The following PRKN variants were observed in gnomAD, a reference collection of about 807,000 sequenced individuals.
The protein encoded by PRKN is E3 ubiquitin-protein ligase parkin.
PRKN carries 56 observed loss-of-function variants against 59.5 expected under a neutral mutation model. The ratio of observed to expected loss-of-function variants is 0.94; its 90% CI spans 0.76 to 1.18. The LOEUF (loss-of-function observed/expected upper bound fraction) is 1.18, where lower values mean the gene tolerates loss of function less well. Among genes scored for constraint, PRKN ranks in the 50% most tolerant of loss-of-function variants. The pLI is 0.00. For missense variants in PRKN, 657 were observed against 596.4 expected, an observed-to-expected ratio of 1.10 and a Z score of -1.06; for synonymous variants, 250 against 222.1, an observed-to-expected ratio of 1.13 and a Z score of -1.12.
At chr6:162,327,905 T>C (rs1328410851) in intron 2 of PRKN, among the ~76,000 whole-genome samples, 1 of 151,834 alleles carries the variant, frequency 6.6e-6, no homozygotes, top group African/African-American at 2.4e-5. Context: ...ATCACCAGAG[T>C]CTTCCCCAGC....
intron 7 of PRKN, among the ~76,000 whole-genome samples, chr6:161,697,086 A>T (rs944521327): frequency 6.6e-6 from 1 of 152,176 alleles, no homozygotes; most frequent in Non-Finnish European, 1.5e-5. Context: ...CTTTTCAAGG[A>T]TCCTGCACTT....
chr6:162,659,162 G>A (rs566632409), intron 1 of PRKN, among the ~76,000 whole-genome samples: 81 of 152,132 alleles, frequency 5.3e-4, no homozygotes, highest in African/African-American at 1.8e-3. Context: ...GAATTCAAGC[G>A]GCTGTTATTC....
chr6:162,668,740 G>A (rs1374243809), intron 1 of PRKN, among the ~76,000 whole-genome samples: 1 of 152,168 alleles, frequency 6.6e-6, no homozygotes, highest in African/African-American at 2.4e-5. Context: ...TGGCCTCGAT[G>A]AGTGGGTGTG....
At chr6:162,104,246 G>A (rs1232806364) in intron 4 of PRKN, among the ~76,000 whole-genome samples, 1 of 152,182 alleles carries the variant, frequency 6.6e-6, no homozygotes, top group Non-Finnish European at 1.5e-5. Context: ...CATGAGAACA[G>A]TCTCTGTTCT....
At chr6:161,976,598 T>G (rs186808361) in intron 5 of PRKN, among the ~76,000 whole-genome samples, 5 of 152,292 alleles carry the variant, frequency 3.3e-5, no homozygotes, top group Non-Finnish European at 7.4e-5. Context: ...AATCCTTCAA[T>G]GGCCAGCTCA....
chr6:161,716,923 T>C (rs1299918045), intron 7 of PRKN, among the ~76,000 whole-genome samples: 1 of 152,150 alleles, frequency 6.6e-6, no homozygotes, highest in Non-Finnish European at 1.5e-5. Context: ...AAGATGAGCC[T>C]GGTAACCATA....
chr6:162,374,856 G>GT (rs1785972945), intron 2 of PRKN, among the ~76,000 whole-genome samples: 2 of 152,200 alleles, frequency 1.3e-5, no homozygotes, highest in African/African-American at 4.8e-5. Flanking sequence ...GAGTCTCTAT[G>GT]AATCAATTAA....
intron 4 of PRKN, among the ~76,000 whole-genome samples, chr6:162,106,081 A>G (rs1325638986): frequency 6.6e-6 from 1 of 152,248 alleles, no homozygotes; most frequent in Non-Finnish European, 1.5e-5. Flanking sequence ...TGATTGGTTG[A>G]TAAGTTCCAT....
chr6:161,689,930 G>A lies in PRKN; in HGVS notation c.871+95842C>T, dbSNP rs552004435. Among the ~76,000 whole-genome samples the A allele has an allele frequency of 9.0e-5, 9 of 100,158 alleles. No individual in the cohort carries two copies. The South Asian group carries it at 2.0e-3, about 23-fold the overall frequency. The allele number at this position is 100,158 out of a possible 152,430, so 65.7% of individuals were successfully genotyped here. A position where few individuals can be genotyped will look rare whatever the true frequency, so the allele number is the denominator to read the frequency against. ...TCACCATGTTGGCCAGGCTGGTCTC[G>A]AGCTCCTGACCTCAAGGGATACACG... On this transcript the variant is annotated intron_variant, in intron 7 of 11. Transcript: ENST00000366898.
Position 162,503,138 on chromosome 6 carries a change from T to TC in PRKN, c.8-59666_8-59665insG, listed in dbSNP as rs1793447861. ...CCTACAGAAAATAGTCTTCATTTCTTTTTTTTTTTTTTTTTTTTTTTGTTG... is the reference window on the plus strand; with the variant it reads ...CCTACAGAAAATAGTCTTCATTTCTTCTTTTTTTTTTTTTTTTTTTTTGTTG... On this transcript the variant is annotated intron_variant, in intron 1 of 11. Transcript: ENST00000366898. 5.2e-5 allele frequency among the ~76,000 whole-genome samples: 5 copies of TC among 95,582 alleles called. No homozygotes were observed. In the Admixed American group the frequency reaches 5.6e-4, roughly 11 times the overall value. The allele number at this position is 95,582 out of a possible 152,430, so 62.7% of individuals were successfully genotyped here. A position where few individuals can be genotyped will look rare whatever the true frequency, so the allele number is the denominator to read the frequency against.
At chr6:162,182,863 A>C (rs1783857674) in intron 4 of PRKN, among the ~76,000 whole-genome samples, 2 of 152,118 alleles carry the variant, frequency 1.3e-5, no homozygotes, top group South Asian at 4.1e-4. Flanking sequence ...CCTTCAACTA[A>C]ATAACTATTG....
intron 2 of PRKN, among the ~76,000 whole-genome samples, chr6:162,395,809 A>G (rs1787445982): frequency 6.6e-6 from 1 of 152,186 alleles, no homozygotes; most frequent in East Asian, 1.9e-4. Flanking sequence ...GCTGGCTCTC[A>G]GGCCTAGTCT....
chr6:162,586,432 T>C (rs559385178), intron 1 of PRKN, among the ~76,000 whole-genome samples: 90 of 152,306 alleles, frequency 5.9e-4, no homozygotes, highest in African/African-American at 1.9e-3. Flanking sequence ...TATGTCTTTA[T>C]ATGTTCATGG....
chr6:162,420,143 G>A (rs1418618788), intron 2 of PRKN, among the ~76,000 whole-genome samples: 1 of 151,822 alleles, frequency 6.6e-6, no homozygotes, highest in Non-Finnish European at 1.5e-5. Flanking sequence ...CTGTGAGCTT[G>A]TTTTCCTGCA....
At chr6:161,630,627 C>T (rs1783267110) in intron 7 of PRKN, among the ~76,000 whole-genome samples, 1 of 152,144 alleles carries the variant, frequency 6.6e-6, no homozygotes, top group Non-Finnish European at 1.5e-5. Context: ...CAAACTTTCA[C>T]AAATTCATCA....
At chr6:162,018,196 T>G (rs1185932997) in intron 5 of PRKN, among the ~76,000 whole-genome samples, 4 of 152,042 alleles carry the variant, frequency 2.6e-5, no homozygotes, top group Non-Finnish European at 4.4e-5. Flanking sequence ...CCGGCTAATT[T>G]TTTGTGTTTT....
At chr6:162,670,548 G>A (rs1779280996) in intron 1 of PRKN, among the ~76,000 whole-genome samples, 1 of 152,138 alleles carries the variant, frequency 6.6e-6, no homozygotes, top group African/African-American at 2.4e-5. Flanking sequence ...GCTACTGATT[G>A]TATTGGCTTT....
At chr6:162,086,304 G>A (rs147442547) in intron 4 of PRKN, among the ~76,000 whole-genome samples, 118 of 152,196 alleles carry the variant, frequency 7.8e-4, no homozygotes, top group Non-Finnish European at 1.2e-3. Context: ...GACTCTTTAT[G>A]TTATCAGATT....
intron 6 of PRKN, among the ~76,000 whole-genome samples, chr6:161,843,962 G>T (rs1793095822): frequency 6.6e-6 from 1 of 152,080 alleles, no homozygotes; most frequent in South Asian, 2.1e-4. Flanking sequence ...CCAGGCTCTG[G>T]TCCTCACCCT....
Sources: allele counts gnomAD v4.1 joint callset (sites outside exome capture counted in the v4.1 genomes callset), GRCh38; gene constraint gnomAD v4.1.1; transcripts MANE v1.5; gene names NCBI Gene and HGNC (gene_info 2026-07-23, HGNC 2026-07-21).